DACH2: variants seen among roughly 807,000 people sequenced by gnomAD.
DACH2 encodes dachshund family transcription factor 2.
A neutral mutation model predicts 35.8 loss-of-function variants in DACH2; 17 were observed. The ratio of observed to expected loss-of-function variants is 0.48; its 90% CI spans 0.33 to 0.71. The LOEUF (loss-of-function observed/expected upper bound fraction) is 0.71, where lower values mean the gene tolerates loss of function less well. Among genes scored for constraint, DACH2 ranks in the 30% least tolerant of loss-of-function variants. The probability of loss-of-function intolerance (pLI) is 0.02; values close to 1 mark genes in which losing one functional copy is unlikely to be tolerated. For synonymous variants in DACH2, 195 were observed against 177.3 expected (o/e 1.10, Z -0.79); for missense variants, 469 against 472.7 (o/e 0.99, Z 0.07).
intron 9 of DACH2, among the ~76,000 whole-genome samples, 172 bp from the exon 10 acceptor site, chrX:86,814,516 C>G (rs1907407124): frequency 8.9e-6 from 1 of 111,774 alleles, no homozygotes; most frequent in African/African-American, 3.3e-5. Context: ...AAATAAAGCA[C>G]TCCTTAGATG....
At chrX:86,255,903 A>C (rs548399590) in intron 1 of DACH2, among the ~76,000 whole-genome samples, 42 of 111,546 alleles carry the variant, frequency 3.8e-4, no homozygotes, top group Admixed American at 2.5e-3. Context: ...CAAAATATAT[A>C]AATTATAACA....
chrX:86,465,910 A>AT (rs1448943321), intron 2 of DACH2, among the ~76,000 whole-genome samples: 1 of 111,583 alleles, frequency 9.0e-6, no homozygotes, highest in African/African-American at 3.3e-5. Flanking sequence ...ATGCTATGTG[A>AT]TTTTTCATAG....
chrX:86,227,399 C>A (rs762723552), intron 1 of DACH2, among the ~76,000 whole-genome samples: 4 of 111,164 alleles, frequency 3.6e-5, no homozygotes, highest in Admixed American at 1.9e-4. Context: ...ATCTCACCAC[C>A]AAATGATACA....
chrX:86,623,876 C>G (rs1293696406), intron 3 of DACH2, among the ~76,000 whole-genome samples: 1 of 97,094 alleles, frequency 1.0e-5, no homozygotes, highest in Admixed American at 1.1e-4. Context: ...GGTGAAACCC[C>G]GTCTCTACTA....
At chrX:86,827,377 G>T (rs2042571958) in intron 11 of DACH2, among the ~76,000 whole-genome samples, 1 of 111,166 alleles carries the variant, frequency 9.0e-6, no homozygotes, top group Non-Finnish European at 1.9e-5. Flanking sequence ...GCATTTTGCT[G>T]CAGGTTGTAA....
chrX:86,703,931 G>A (rs1435803909), intron 5 of DACH2, among the ~76,000 whole-genome samples: 2 of 111,526 alleles, frequency 1.8e-5, no homozygotes, highest in Non-Finnish European at 3.8e-5. Flanking sequence ...AACTACCAAT[G>A]CCATTATTAA....
intron 2 of DACH2, among the ~76,000 whole-genome samples, chrX:86,400,858 C>G (rs766687675): frequency 8.9e-6 from 1 of 112,380 alleles, no homozygotes; most frequent in African/African-American, 3.2e-5. Context: ...TCTGCCCTTT[C>G]TGAGATCTCA....
At chrX:86,755,180 AT>A (rs759171146) in intron 7 of DACH2, among the ~76,000 whole-genome samples, 117 of 111,285 alleles carry the variant, frequency 1.1e-3, no homozygotes, top group Middle Eastern at 4.7e-3. Flanking sequence ...GATGTTGAAC[AT>A]TTTTTTCATA....
chrX:86,459,743 G>A (rs1023387485), intron 2 of DACH2, among the ~76,000 whole-genome samples: 1 of 111,306 alleles, frequency 9.0e-6, no homozygotes, highest in Admixed American at 9.6e-5. Flanking sequence ...ATGTTAGTAC[G>A]TGTGCAGACT....
chrX:86,163,583 C>T (rs996602896), intron 1 of DACH2, among the ~76,000 whole-genome samples: 131 of 110,929 alleles, frequency 1.2e-3, no homozygotes, highest in African/African-American at 4.2e-3. Flanking sequence ...TCTCTTTCTC[C>T]TCCCACCTCC....
At chrX:86,466,634 T>C (rs1438915769) in intron 2 of DACH2, among the ~76,000 whole-genome samples, 1 of 111,991 alleles carries the variant, frequency 8.9e-6, no homozygotes, top group African/African-American at 3.2e-5. Context: ...GTAAGCTAGT[T>C]ACTTCTTAGG....
chrX:86,304,244 T>G (rs1387501910), intron 1 of DACH2: 2 of 111,835 alleles, frequency 1.8e-5, no homozygotes, highest in Non-Finnish European at 3.8e-5. Flanking sequence ...GGCGACAGCC[T>G]TCCCCTGACT....
rs1250449190 is a variant in DACH2, at chrX:86,149,187, CTTTG to C, written c.488+85_488+88del. The C allele has an allele frequency of 3.0e-5, 32 of 1,068,569 alleles. 1 individual carries two copies. In the Middle Eastern group the frequency reaches 3.9e-3, roughly 129 times the overall value. The allele number at this position is 1,068,569 out of a possible 1,213,427, so 88.1% of individuals were successfully genotyped here. On this transcript the variant is annotated intron_variant, in intron 1 of 11. Transcript: ENST00000373125. ...TGCATGCCTCACCACCCTCATCCAACTTTGTTTGTAGAGTGAGTCTTAACTAGTT... is the reference window on the plus strand; with the variant it reads ...TGCATGCCTCACCACCCTCATCCAACTTTGTAGAGTGAGTCTTAACTAGTT...
intron 1 of DACH2, among the ~76,000 whole-genome samples, chrX:86,326,955 C>T (rs756422684): frequency 9.0e-4 from 101 of 111,722 alleles, no homozygotes; most frequent in African/African-American, 3.1e-3. Context: ...CACCCATCTA[C>T]TCATGTATTC....
At chrX:86,228,595 T>G (rs1483302497) in intron 1 of DACH2, among the ~76,000 whole-genome samples, 1 of 111,350 alleles carries the variant, frequency 9.0e-6, no homozygotes, top group African/African-American at 3.3e-5. Context: ...GTAGAAGTGT[T>G]CCCTGATCAT....
At chrX:86,504,436 A>G (rs2038293928) in intron 2 of DACH2, among the ~76,000 whole-genome samples, 1 of 110,377 alleles carries the variant, frequency 9.1e-6, no homozygotes, top group Non-Finnish European at 1.9e-5. Context: ...ACCCAAATTT[A>G]CCTGACTTCA....
At chrX:86,238,578 C>T (rs1434683894) in intron 1 of DACH2, among the ~76,000 whole-genome samples, 1 of 111,384 alleles carries the variant, frequency 9.0e-6, no homozygotes, top group Non-Finnish European at 1.9e-5. Context: ...TATTCAACTG[C>T]TTCAACAGTA....
At chrX:86,441,434 C>T (rs369459794) in intron 2 of DACH2, among the ~76,000 whole-genome samples, 2 of 108,761 alleles carry the variant, frequency 1.8e-5, no homozygotes, top group African/African-American at 3.3e-5. Context: ...CATGTTGTTG[C>T]GAATGATGGG....
intron 3 of DACH2, among the ~76,000 whole-genome samples, chrX:86,581,447 A>G (rs974958696): frequency 1.8e-5 from 2 of 111,641 alleles, no homozygotes; most frequent in African/African-American, 3.3e-5. Flanking sequence ...AGAAATAAGC[A>G]AGACTCAATG....
Sources: gnomAD v4.1 joint callset for allele counts (sites outside exome capture counted in the v4.1 genomes callset) on GRCh38, gnomAD v4.1.1 for gene constraint, MANE v1.5 for transcripts, NCBI Gene and HGNC (gene_info 2026-07-23, HGNC 2026-07-21) for gene names.